The following ALG5 variants were observed in gnomAD, a reference collection of about 807,000 sequenced individuals.
ALG5 encodes the protein ALG5 dolichyl-phosphate beta-glucosyltransferase, also known as dolichyl-phosphate beta-glucosyltransferase.
In ALG5, 26 loss-of-function variants were observed where a neutral mutation model predicts 51.8. The observed-to-expected ratio is 0.50, with a 90% confidence interval of 0.37 to 0.70. The LOEUF (loss-of-function observed/expected upper bound fraction) is 0.70, where lower values mean the gene tolerates loss of function less well. ALG5 is among the 30% of genes least tolerant of loss of function. The pLI is 0.00. For missense variants in ALG5, 311 were observed against 399.3 expected, an observed-to-expected ratio of 0.78 and a Z score of 1.88; for synonymous variants, 141 against 136.1, an observed-to-expected ratio of 1.04 and a Z score of -0.25.
chr13:36,954,550 A>T (rs2058831814), intron 8 of ALG5, among the ~76,000 whole-genome samples: 1 of 152,144 alleles, frequency 6.6e-6, no homozygotes, highest in Non-Finnish European at 1.5e-5. Context: ...TTACACATAC[A>T]AAAAAATGCA....
chr13:36,989,446 T>C, intron 5 of ALG5, 38 bp downstream of exon 5: 1 of 1,500,700 alleles, frequency 6.7e-7, no homozygotes, highest in Non-Finnish European at 9.3e-7. Flanking sequence ...TCAAGATACC[T>C]TCATATTTTA....
intron 6 of ALG5, among the ~76,000 whole-genome samples, chr13:36,981,514 C>G (rs1212051930): frequency 1.3e-5 from 2 of 152,116 alleles, no homozygotes; most frequent in African/African-American, 4.8e-5. Flanking sequence ...ACAGCTATTG[C>G]CCTAAGATAG....
At chr13:36,995,367 T>G in intron 2 of ALG5, 58 bp downstream of exon 2, 1 of 1,541,726 alleles carries the variant, frequency 6.5e-7, no homozygotes, top group South Asian at 1.2e-5. Flanking sequence ...TCAAATACTT[T>G]AAATTTCCTT....
At chr13:36,952,653 A>G (rs1373777122) in intron 8 of ALG5, 54 bp from the exon 9 acceptor site, 1 of 1,060,786 alleles carries the variant, frequency 9.4e-7, no homozygotes, top group African/African-American at 1.7e-5. Flanking sequence ...GAACACAACT[A>G]CATCTCTACC....
At chr13:36,982,246 T>C (rs925988354) in intron 6 of ALG5, among the ~76,000 whole-genome samples, 2 of 152,040 alleles carry the variant, frequency 1.3e-5, no homozygotes, top group African/African-American at 4.8e-5. Context: ...ACAGAAACAA[T>C]GGAAGGGGGT....
At chr13:36,963,027 C>T (rs1446819394) in intron 8 of ALG5, among the ~76,000 whole-genome samples, 1 of 152,134 alleles carries the variant, frequency 6.6e-6, no homozygotes, top group East Asian at 1.9e-4. Flanking sequence ...TAGCTCACTG[C>T]AGCCTAAACT....
At chr13:36,955,494 CA>C (rs967739412) in intron 8 of ALG5, among the ~76,000 whole-genome samples, 6 of 145,212 alleles carry the variant, frequency 4.1e-5, no homozygotes, top group African/African-American at 1.3e-4. Context: ...TACTGAAAAA[CA>C]AAAAAAAAGA....
chr13:36,957,216 G>A (rs551436997), intron 8 of ALG5, among the ~76,000 whole-genome samples: 2 of 151,414 alleles, frequency 1.3e-5, no homozygotes, highest in South Asian at 2.1e-4. Context: ...CTGCCTTATC[G>A]CCAAGCTCCT....
chr13:36,990,708 A>C (rs1366803425), intron 4 of ALG5, among the ~76,000 whole-genome samples: 3 of 152,216 alleles, frequency 2.0e-5, no homozygotes, highest in Non-Finnish European at 4.4e-5. Context: ...ACTTCTGCTC[A>C]GTCTACATTC....
intron 4 of ALG5, among the ~76,000 whole-genome samples, chr13:36,990,414 T>C (rs1342821600): frequency 6.6e-6 from 1 of 152,214 alleles, no homozygotes; most frequent in African/African-American, 2.4e-5. Context: ...CCTCCTCTAC[T>C]GTTCCCAAGT....
intron 6 of ALG5, among the ~76,000 whole-genome samples, chr13:36,984,581 A>G (rs1031825385): frequency 2.0e-4 from 30 of 152,108 alleles, no homozygotes; most frequent in African/African-American, 7.2e-4. Context: ...TTGTGTAATT[A>G]TATGTTGGTG....
At chr13:36,956,027 T>C (rs2058838463) in intron 8 of ALG5, among the ~76,000 whole-genome samples, 1 of 152,140 alleles carries the variant, frequency 6.6e-6, no homozygotes, top group Non-Finnish European at 1.5e-5. Context: ...ACTAAAAAGC[T>C]TCTGCACAAC....
At chr13:36,995,361 A>G in intron 2 of ALG5, 64 bp downstream of exon 2, 3 of 1,520,098 alleles carry the variant, frequency 2.0e-6, no homozygotes, top group Non-Finnish European at 2.7e-6. Flanking sequence ...GTGAAGTCAA[A>G]TACTTTAAAT....
chr13:36,970,728 C>T (rs148958644), intron 7 of ALG5, among the ~76,000 whole-genome samples: 2,388 of 152,272 alleles, frequency 0.016, 25 homozygotes, highest in Non-Finnish European at 0.023. Flanking sequence ...GCTTGGCCAA[C>T]ATGGTGAAAC....
intron 7 of ALG5, among the ~76,000 whole-genome samples, chr13:36,967,222 C>CAAAAAAAAAAAAA (rs1370057490): frequency 1.6e-5 from 1 of 64,200 alleles, no homozygotes; most frequent in African/African-American, 6.1e-5. Flanking sequence ...GACTCCAACT[C>CAAAAAAAAAAAAA]AAAAAAAAAA....
At chr13:36,978,031 C>T (rs1448116048) in intron 6 of ALG5, among the ~76,000 whole-genome samples, 1 of 150,904 alleles carries the variant, frequency 6.6e-6, no homozygotes, top group Non-Finnish European at 1.5e-5. Context: ...CGATTACAGG[C>T]ACGTGGCACC....
chr13:36,955,898 TAGA>T (rs1383252190), intron 8 of ALG5, among the ~76,000 whole-genome samples: 1 of 151,992 alleles, frequency 6.6e-6, no homozygotes, highest in Non-Finnish European at 1.5e-5. Context: ...GTAAAACTAC[TAGA>T]AGAAAACATA....
intron 6 of ALG5, among the ~76,000 whole-genome samples, chr13:36,974,807 A>G (rs550323237): frequency 6.6e-6 from 1 of 152,234 alleles, no homozygotes; most frequent in African/African-American, 2.4e-5. Flanking sequence ...TCATAGTACC[A>G]CTATGACACC....
Position 36,989,536 on chromosome 13 carries a change from A to G in ALG5, c.395T>C (p.Val132Ala). 1 of 1,612,928 alleles carries G rather than the reference A, an allele frequency of 6.2e-7. No homozygotes were observed. The highest frequency in any genetic ancestry group is 8.5e-7 in the Non-Finnish European group (1 of 1,179,300). ...KYCQKYGSDKVRVITLVKNRG... is the reference protein window; with the variant it reads ...KYCQKYGSDKARVITLVKNRG... ...ATTCTTCACCAGGGTTATCACACGT[A>G]CTTTGTCACTTCCATATTTCTGGCA... The change falls in exon 5 of 10, where the codon GTA becomes GCA. Residue 132 changes from valine (V) to alanine (A), a missense_variant. Transcript: ENST00000239891.
Sources: allele counts gnomAD v4.1 joint callset (sites outside exome capture counted in the v4.1 genomes callset), GRCh38; gene constraint gnomAD v4.1.1; transcripts MANE v1.5; gene names NCBI Gene and HGNC (gene_info 2026-07-23, HGNC 2026-07-21).